Variants in ULK4 observed in about 807,000 individuals in gnomAD.
The protein encoded by ULK4 is unc-51 like kinase 4.
ULK4 carries 133 observed loss-of-function variants against 160.6 expected under a neutral mutation model. The ratio of observed to expected loss-of-function variants is 0.83; its 90% confidence interval spans 0.72 to 0.96. ULK4 has a LOEUF of 0.96. ULK4 is among the 40% of genes least tolerant of loss of function. The pLI, the probability that ULK4 is intolerant of heterozygous loss-of-function variation, is 0.00. For synonymous variants in ULK4, 534 were observed against 539.8 expected, an observed-to-expected ratio of 0.99 and a Z score of 0.15; for missense variants, 1,580 against 1,499.5, an observed-to-expected ratio of 1.05 and a Z score of -0.89.
At chr3:41,784,374 C>A (rs879559770) in intron 21 of ULK4, among the ~76,000 whole-genome samples, 5 of 151,934 alleles carry the variant, frequency 3.3e-5, no homozygotes, top group Non-Finnish European at 7.4e-5. Flanking sequence ...GCGGAGGTTG[C>A]GGTGAGCCGA....
chr3:41,847,911 A>G (rs1197378365), intron 17 of ULK4, among the ~76,000 whole-genome samples: 2 of 152,018 alleles, frequency 1.3e-5, no homozygotes. Flanking sequence ...GAAGGCCAAT[A>G]ATGCCAGGGG....
chr3:41,872,789 GA>G (rs369983366), intron 17 of ULK4, among the ~76,000 whole-genome samples: 6,455 of 145,928 alleles, frequency 0.044, 421 homozygotes, highest in African/African-American at 0.15. Context: ...GAATAAAATT[GA>G]AAAAAAAAAC....
intron 17 of ULK4, among the ~76,000 whole-genome samples, chr3:41,849,198 T>C (rs1268867478): frequency 6.6e-6 from 1 of 152,184 alleles, no homozygotes; most frequent in East Asian, 1.9e-4. Flanking sequence ...ATAACCCTAA[T>C]CATTCAATTC....
At chr3:41,463,652 G>T (rs2083749876) in intron 32 of ULK4, among the ~76,000 whole-genome samples, 1 of 152,156 alleles carries the variant, frequency 6.6e-6, no homozygotes, top group Non-Finnish European at 1.5e-5. Context: ...CCAGTGGTCT[G>T]CTCTATCTAG....
intron 16 of ULK4, among the ~76,000 whole-genome samples, chr3:41,893,761 T>C (rs1698053607): frequency 6.6e-6 from 1 of 152,172 alleles, no homozygotes; most frequent in African/African-American, 2.4e-5. Context: ...ACGTAATATA[T>C]ATGTTACAGG....
At chr3:41,662,137 G>T (rs915659003) in intron 30 of ULK4, among the ~76,000 whole-genome samples, 1 of 152,172 alleles carries the variant, frequency 6.6e-6, no homozygotes, top group African/African-American at 2.4e-5. Context: ...TCACTCTTTA[G>T]AATTAAATTT....
rs147010891 is a variant in ULK4, at chr3:41,410,692, T to C, written c.3493-12428A>G. ...ATAAAACTGTTATAAAAAATGCTAA[T>C]TGTACACAAAGTCTTCAAGAAAACT... On this transcript the variant is annotated intron_variant, in intron 34 of 36. Transcript: ENST00000301831. Among the ~76,000 whole-genome samples, 13 of 152,312 alleles carry C rather than the reference T, an allele frequency of 8.5e-5. No homozygotes were observed. The East Asian group carries it at 1.3e-3, about 16-fold the overall frequency.
At chr3:41,663,391 C>G (rs2035249523) in intron 30 of ULK4, among the ~76,000 whole-genome samples, 1 of 152,040 alleles carries the variant, frequency 6.6e-6, no homozygotes, top group African/African-American at 2.4e-5. Flanking sequence ...GCATGCATTC[C>G]ACAGTATGCT....
intron 34 of ULK4, among the ~76,000 whole-genome samples, chr3:41,402,036 C>A (rs2082191880): frequency 6.6e-6 from 1 of 152,078 alleles, no homozygotes; most frequent in Non-Finnish European, 1.5e-5. Flanking sequence ...TTGCAAACTT[C>A]CTTGTTTTCT....
At chr3:41,880,939 A>T (rs1697495035) in intron 17 of ULK4, among the ~76,000 whole-genome samples, 1 of 152,190 alleles carries the variant, frequency 6.6e-6, no homozygotes, top group Admixed American at 6.5e-5. Context: ...ATAAATAAGT[A>T]AGTAAAATAA....
At chr3:41,448,723 G>T (rs918130350) in intron 34 of ULK4, among the ~76,000 whole-genome samples, 1 of 152,138 alleles carries the variant, frequency 6.6e-6, no homozygotes, top group African/African-American at 2.4e-5. Context: ...AACGTGTGAT[G>T]TGTGATGTGT....
intron 18 of ULK4, among the ~76,000 whole-genome samples, chr3:41,831,531 A>ATAGAGAGAGATATATT: frequency 2.2e-5 from 3 of 138,066 alleles, no homozygotes; most frequent in African/African-American, 8.5e-5. Flanking sequence ...ATATATATAT[A>ATAGAGAGAGATATATT]TTTTTTTTTC....
chr3:41,585,002 T>C (rs1489681362), intron 31 of ULK4, among the ~76,000 whole-genome samples: 1 of 152,018 alleles, frequency 6.6e-6, no homozygotes. Context: ...AAATCAAAGA[T>C]ACAAGAAATC....
chr3:41,909,152 T>C (rs896690735), intron 11 of ULK4, among the ~76,000 whole-genome samples: 2 of 150,980 alleles, frequency 1.3e-5, no homozygotes, highest in Admixed American at 6.6e-5. Context: ...TCCCAGCTAC[T>C]TGGGAGGCTG....
intron 19 of ULK4, among the ~76,000 whole-genome samples, chr3:41,808,993 C>T (rs1185709731): frequency 6.6e-6 from 1 of 151,966 alleles, no homozygotes; most frequent in African/African-American, 2.4e-5. Flanking sequence ...TGGTGAAACC[C>T]CGTCTCTACA....
chr3:41,309,477 G>C (rs141888228), intron 35 of ULK4, among the ~76,000 whole-genome samples: 1 of 152,066 alleles, frequency 6.6e-6, no homozygotes, highest in Non-Finnish European at 1.5e-5. Flanking sequence ...AACTGAGACT[G>C]CAGGCTCATG....
At chr3:41,824,179 A>AAAAAG (rs2041253913) in intron 18 of ULK4, among the ~76,000 whole-genome samples, 1 of 151,490 alleles carries the variant, frequency 6.6e-6, no homozygotes, top group African/African-American at 2.4e-5. Flanking sequence ...AAAAAAAAAA[A>AAAAAG]AAAGGAGGAG....
intron 35 of ULK4, among the ~76,000 whole-genome samples, chr3:41,367,029 CG>C (rs2081267119): frequency 6.6e-6 from 1 of 152,168 alleles, no homozygotes; most frequent in African/African-American, 2.4e-5. Flanking sequence ...TCGTATTTTA[CG>C]GAAATCTTTC....
chr3:41,611,148 C>T (rs1042174956), intron 31 of ULK4, among the ~76,000 whole-genome samples: 3 of 152,200 alleles, frequency 2.0e-5, no homozygotes, highest in African/African-American at 2.4e-5. Flanking sequence ...ATTAAACAAG[C>T]GCAGACTGCC....
Sources: allele counts gnomAD v4.1 joint callset (sites outside exome capture counted in the v4.1 genomes callset), GRCh38; gene constraint gnomAD v4.1.1; transcripts MANE v1.5; gene names NCBI Gene and HGNC (gene_info 2026-07-23, HGNC 2026-07-21).